The following AGAP1 variants were observed in gnomAD, a reference collection of about 807,000 sequenced individuals.
AGAP1 encodes ArfGAP with GTPase domain, ankyrin repeat and PH domain 1, also known as arf-GAP with GTPase, ANK repeat and PH domain-containing protein 1.
A neutral mutation model predicts 105.3 loss-of-function variants in AGAP1; 29 were observed. The ratio of observed to expected loss-of-function variants is 0.28; its 90% CI spans 0.21 to 0.38. AGAP1 has a LOEUF of 0.38. AGAP1 is among the 10% of genes least tolerant of loss of function. The pLI is 1.00. For missense variants in AGAP1, 998 were observed against 1,165.1 expected, an observed-to-expected ratio of 0.86 and a Z score of 2.09; for synonymous variants, 509 against 485.9, an observed-to-expected ratio of 1.05 and a Z score of -0.63.
intron 5 of AGAP1, among the ~76,000 whole-genome samples, chr2:235,746,176 T>C (rs977274596): frequency 4.6e-5 from 7 of 151,632 alleles, no homozygotes; most frequent in South Asian, 2.1e-4. Flanking sequence ...TCCCAGCTAC[T>C]TGGGAGGCTG....
chr2:235,915,599 A>C (rs2051838682), intron 11 of AGAP1, among the ~76,000 whole-genome samples: 1 of 152,192 alleles, frequency 6.6e-6, no homozygotes, highest in South Asian at 2.1e-4. Flanking sequence ...GCTTGAGCCC[A>C]AGAGGTCAAG....
At chr2:235,722,622 G>T (rs979200185) in intron 3 of AGAP1, among the ~76,000 whole-genome samples, 1 of 152,004 alleles carries the variant, frequency 6.6e-6, no homozygotes, top group Non-Finnish European at 1.5e-5. Flanking sequence ...TTGGATTTAG[G>T]GCCCATCCTC....
intron 9 of AGAP1, among the ~76,000 whole-genome samples, chr2:235,847,930 C>T (rs1209239729): frequency 6.6e-6 from 1 of 152,214 alleles, no homozygotes; most frequent in Non-Finnish European, 1.5e-5. Context: ...TTATAAAGTC[C>T]TATGTTTTCA....
In AGAP1 at chr2:235,562,756, A is replaced by G. The variant is rs184476419; in HGVS notation, c.163+67907A>G. On this transcript the variant is annotated intron_variant, in intron 1 of 17. Coordinates refer to ENST00000304032, the MANE Select transcript of AGAP1 (RefSeq NM_001037131.3). Reference sequence around the variant, plus strand: ...AAGTCACCATGGCTCTGTGTTTTTCATCTTTAAAATGGGGATGCTGGCTGG... The same window carrying G: ...AAGTCACCATGGCTCTGTGTTTTTCGTCTTTAAAATGGGGATGCTGGCTGG... Among the ~76,000 whole-genome samples, 19 of 152,226 alleles carry G rather than the reference A, an allele frequency of 1.2e-4. No homozygotes were observed. In the East Asian group the frequency reaches 3.5e-3, roughly 28 times the overall value.
Position 235,864,321 on chromosome 2 carries a change from G to T in AGAP1, c.1051-19024G>T, listed in dbSNP as rs1034977863. Among the ~76,000 whole-genome samples the T allele has an allele frequency of 1.3e-5, 2 of 152,228 alleles. No homozygotes were observed. The highest frequency in any genetic ancestry group is 2.4e-5 in the African/African-American group (1 of 41,454). On this transcript the variant is annotated intron_variant, in intron 9 of 17. Transcript: ENST00000304032. This position sits in a 1 kb window ranked among gnomAD's most constrained non-coding sequence, Gnocchi z 5.0. ...AGGGGTTCGGCTCACTCTGTGGCCG[G>T]CCTGGAGGCCTGGGTGTGCTTCCTA...
intron 13 of AGAP1, among the ~76,000 whole-genome samples, chr2:236,010,437 C>T (rs978998215): frequency 2.6e-5 from 4 of 152,164 alleles, no homozygotes; most frequent in African/African-American, 7.2e-5. Flanking sequence ...CTGTTTATAA[C>T]GATCAGATGC....
chr2:235,904,453 G>T lies in AGAP1; in HGVS notation c.1156-4285G>T, dbSNP rs537736525. Among the ~76,000 whole-genome samples, 157 of 152,236 alleles carry T rather than the reference G, an allele frequency of 1.0e-3. 1 individual carries two copies. Among genetic ancestry groups the T allele is most frequent in the South Asian group, 8.9e-3 (43 of 4,816 alleles). ...GGGGCAGGAGATGGCACCTCTGGGG[G>T]GCCTGGCTCTTGAGTGGGCCCCAGG... On this transcript the variant is annotated intron_variant, in intron 10 of 17. Transcript: ENST00000304032. This position sits in a 1 kb window ranked among gnomAD's most constrained non-coding sequence, Gnocchi z 4.2.
intron 15 of AGAP1, among the ~76,000 whole-genome samples, chr2:236,041,430 T>C (rs1481507760): frequency 2.0e-5 from 3 of 152,170 alleles, no homozygotes; most frequent in African/African-American, 4.8e-5. Context: ...AAGCCTCTGA[T>C]TGAACTGATA....
chr2:235,877,612 A>G lies in AGAP1; in HGVS notation c.1051-5733A>G, dbSNP rs188190023. On this transcript the variant is annotated intron_variant, in intron 9 of 17. Transcript: ENST00000304032. This position sits in a 1 kb window ranked among gnomAD's most constrained non-coding sequence, Gnocchi z 4.3. Reference sequence around the variant, plus strand: ...CCTTAGCACCACTCATGACCTAGGAAGTCGGAGATGCCAACTCGGGCAGTG... The same window carrying G: ...CCTTAGCACCACTCATGACCTAGGAGGTCGGAGATGCCAACTCGGGCAGTG... Among the ~76,000 whole-genome samples, 252 of 152,316 alleles carry G rather than the reference A, an allele frequency of 1.7e-3. No homozygotes were observed. Among genetic ancestry groups the G allele is most frequent in the African/African-American group, 5.3e-3 (219 of 41,578 alleles).
rs1946603606 is a variant in AGAP1, at chr2:235,625,306, A to G, written c.164-83873A>G. 6.6e-6 allele frequency among the ~76,000 whole-genome samples: 1 copy of G among 152,174 alleles called. No individual in the cohort carries two copies. Among genetic ancestry groups the G allele is most frequent in the Non-Finnish European group, 1.5e-5 (1 of 68,022 alleles). ...ACTCTGGGGTGATGCCTTTAGCAGC[A>G]TTGAGTATAAGGTGACCTGGAGGAG... On this transcript the variant is annotated intron_variant, in intron 1 of 17. Transcript: ENST00000304032. This position sits in a 1 kb window ranked among gnomAD's most constrained non-coding sequence, Gnocchi z 4.0.
In AGAP1 at chr2:235,789,356, C is replaced by T. The variant is rs928085885; in HGVS notation, c.674-8403C>T. On this transcript the variant is annotated intron_variant, in intron 6 of 17. Coordinates refer to ENST00000304032, the MANE Select transcript of AGAP1 (RefSeq NM_001037131.3). This position sits in a 1 kb window ranked among gnomAD's most constrained non-coding sequence, Gnocchi z 4.2. ...CCTGAAGGTAACTGTTTATTACAGT[C>T]GGCATTTAAATCCCCCGATTAATAG... 3.9e-5 allele frequency among the ~76,000 whole-genome samples: 6 copies of T among 152,144 alleles called. No homozygotes were observed. Among genetic ancestry groups the T allele is most frequent in the African/African-American group, 1.2e-4 (5 of 41,422 alleles).
In AGAP1 at chr2:235,901,751, T is replaced by C. The variant is rs1280006519; in HGVS notation, c.1156-6987T>C. ...CAGAAATTAGGTGAGCATAGGAACG[T>C]GCCTGTAATCCCAGCTACTCAGGAG... On this transcript the variant is annotated intron_variant, in intron 10 of 17. Transcript: ENST00000304032. This position sits in a 1 kb window ranked among gnomAD's most constrained non-coding sequence, Gnocchi z 4.3. Among the ~76,000 whole-genome samples, 1 of 152,036 alleles carries C rather than the reference T, an allele frequency of 6.6e-6. No individual in the cohort carries two copies. Among genetic ancestry groups the C allele is most frequent in the African/African-American group, 2.4e-5 (1 of 41,400 alleles).
chr2:235,859,806 G>A (rs1371253188), intron 9 of AGAP1, among the ~76,000 whole-genome samples: 1 of 152,150 alleles, frequency 6.6e-6, no homozygotes, highest in East Asian at 1.9e-4. Context: ...AGTTCAAAAG[G>A]CTCTGAAATG....
intron 1 of AGAP1, among the ~76,000 whole-genome samples, chr2:235,547,634 C>T (rs1574822812): frequency 6.6e-6 from 1 of 152,216 alleles, no homozygotes; most frequent in East Asian, 1.9e-4. Flanking sequence ...ACTGGGATTA[C>T]AGGCACATAC....
intron 10 of AGAP1, among the ~76,000 whole-genome samples, chr2:235,885,229 A>G (rs2050216822): frequency 1.3e-5 from 2 of 152,222 alleles, no homozygotes; most frequent in South Asian, 4.1e-4. Flanking sequence ...CACTGCCCAC[A>G]GCCTGCCTTC....
rs746667798 is a variant in AGAP1 at position 235,741,129 on chromosome 2, C to A, written c.396+81C>A. ...TGATTCAAGAAGTGCTTCTAGAAAT[C>A]GGTGACTTGGTTTCCAAAAAAGTGG... On this transcript the variant is annotated intron_variant, in intron 4 of 17. Coordinates refer to ENST00000304032, the MANE Select transcript of AGAP1 (RefSeq NM_001037131.3). The surrounding 1 kb of genome is among the most constrained non-coding windows in gnomAD (Gnocchi z 4.9). The A allele has an allele frequency of 8.0e-7, 1 of 1,246,330 alleles. No individual in the cohort carries two copies. Among genetic ancestry groups the A allele is most frequent in the Non-Finnish European group, 1.1e-6 (1 of 927,928 alleles). 77.2% of individuals were successfully genotyped at this position (1,246,330 alleles called of 1,614,324 possible).
rs1943929231 is a variant in AGAP1, at chr2:235,555,034, T to C, written c.163+60185T>C. Among the ~76,000 whole-genome samples, 1 of 152,130 alleles carries C rather than the reference T, an allele frequency of 6.6e-6. No homozygotes were observed. Among genetic ancestry groups the C allele is most frequent in the South Asian group, 2.1e-4 (1 of 4,826 alleles). ...CAGCCAGTTCAATTGTAGAGGGTCC[T>C]GGAGAGGAGGTGGAGCAGTTGCCTT... On this transcript the variant is annotated intron_variant, in intron 1 of 17. Coordinates refer to ENST00000304032, the MANE Select transcript of AGAP1 (RefSeq NM_001037131.3). The surrounding 1 kb of genome is among the most constrained non-coding windows in gnomAD (Gnocchi z 5.1).
chr2:235,990,200 G>A (rs1240767552), intron 13 of AGAP1, among the ~76,000 whole-genome samples: 1 of 152,162 alleles, frequency 6.6e-6, no homozygotes, highest in Non-Finnish European at 1.5e-5. Flanking sequence ...TATCTGTTAT[G>A]TCAAAGTTAC....
chr2:235,538,021 A>T (rs530628009), intron 1 of AGAP1, among the ~76,000 whole-genome samples: 67 of 152,336 alleles, frequency 4.4e-4, no homozygotes, highest in Middle Eastern at 3.4e-3. Flanking sequence ...GGCTGCTAAT[A>T]TGCGTGGTAG....
Sources: allele counts gnomAD v4.1 joint callset (sites outside exome capture counted in the v4.1 genomes callset), GRCh38; gene constraint gnomAD v4.1.1; non-coding constraint Gnocchi (gnomAD v3.1); transcripts MANE v1.5; gene names NCBI Gene and HGNC (gene_info 2026-07-23, HGNC 2026-07-21).